GRIK2: variants seen among roughly 807,000 people sequenced by gnomAD.
The protein encoded by GRIK2 is glutamate ionotropic receptor kainate type subunit 2, also known as glutamate receptor ionotropic, kainate 2.
A neutral mutation model predicts 100.3 loss-of-function variants in GRIK2; 32 were observed. The ratio of observed to expected loss-of-function variants is 0.32; its 90% CI spans 0.24 to 0.43. The LOEUF (loss-of-function observed/expected upper bound fraction) is 0.43. GRIK2 is among the 20% of genes least tolerant of loss of function. The pLI, the probability that GRIK2 is intolerant of heterozygous loss-of-function variation, is 1.00. For synonymous variants in GRIK2, 417 were observed against 389.4 expected, an observed-to-expected ratio of 1.07 and a Z score of -0.83; for missense variants, 843 against 1,114.9, an observed-to-expected ratio of 0.76 and a Z score of 3.47.
chr6:101,559,559 G>A lies in GRIK2; in HGVS notation c.116-62390G>A, dbSNP rs186295002. ...TTTATTTAACTGTAAGTATCTAAAA[G>A]ACAGGGACTTCACTATATTTACAAT... On this transcript the variant is annotated intron_variant, in intron 2 of 16. Coordinates refer to ENST00000369134, the MANE Select transcript of GRIK2 (RefSeq NM_021956.5). Among the ~76,000 whole-genome samples the A allele has an allele frequency of 3.9e-5, 6 of 152,224 alleles. No individual in the cohort carries two copies. In the East Asian group the frequency reaches 1.2e-3, roughly 29 times the overall value.
intron 7 of GRIK2, among the ~76,000 whole-genome samples, chr6:101,780,539 G>A (rs1282693944): frequency 6.6e-6 from 1 of 152,128 alleles, no homozygotes; most frequent in Non-Finnish European, 1.5e-5. Context: ...GCACAGTTCT[G>A]TGGCACAGAG....
At chr6:101,447,160 T>C (rs1207434497) in intron 2 of GRIK2, among the ~76,000 whole-genome samples, 1 of 151,380 alleles carries the variant, frequency 6.6e-6, no homozygotes, top group Non-Finnish European at 1.5e-5. Flanking sequence ...AGCATTAATA[T>C]CTCATTGCAG....
At chr6:101,537,610 T>C (rs1775778756) in intron 2 of GRIK2, among the ~76,000 whole-genome samples, 4 of 151,728 alleles carry the variant, frequency 2.6e-5, no homozygotes, top group Admixed American at 1.3e-4. Flanking sequence ...GTAATATTAT[T>C]GGCAAGATGA....
intron 7 of GRIK2, among the ~76,000 whole-genome samples, chr6:101,785,091 A>T (rs1361196013): frequency 6.6e-6 from 1 of 151,930 alleles, no homozygotes; most frequent in Non-Finnish European, 1.5e-5. Flanking sequence ...GTCTGTTTTT[A>T]TGTCTTTTTA....
intron 9 of GRIK2, among the ~76,000 whole-genome samples, chr6:101,814,045 G>A (rs921809084): frequency 1.3e-5 from 2 of 151,938 alleles, no homozygotes; most frequent in African/African-American, 4.8e-5. Flanking sequence ...AATTTTCGTA[G>A]AGTAGATATT....
intron 4 of GRIK2, among the ~76,000 whole-genome samples, chr6:101,645,273 G>A (rs1034740744): frequency 4.6e-5 from 7 of 151,532 alleles, no homozygotes; most frequent in Non-Finnish European, 1.0e-4. Context: ...AATTCATCAT[G>A]TCAATTATTT....
intron 2 of GRIK2, among the ~76,000 whole-genome samples, chr6:101,540,346 G>T (rs887550916): frequency 6.6e-6 from 1 of 151,688 alleles, no homozygotes; most frequent in African/African-American, 2.4e-5. Context: ...GCACAATAGG[G>T]TGCCCATAGT....
chr6:101,897,503 C>CT (rs1021985895), intron 12 of GRIK2, among the ~76,000 whole-genome samples: 10 of 151,810 alleles, frequency 6.6e-5, no homozygotes, highest in Admixed American at 6.6e-4. Flanking sequence ...AAATGGTGCC[C>CT]TTGGTCTTTT....
intron 2 of GRIK2, among the ~76,000 whole-genome samples, chr6:101,552,722 A>C (rs1479167608): frequency 6.6e-6 from 1 of 152,182 alleles, no homozygotes; most frequent in Non-Finnish European, 1.5e-5. Context: ...CTATCTGTGC[A>C]CCTGAGAATT....
At chr6:101,558,660 C>T (rs1776854797) in intron 2 of GRIK2, among the ~76,000 whole-genome samples, 1 of 104,436 alleles carries the variant, frequency 9.6e-6, no homozygotes, top group African/African-American at 4.0e-5. Flanking sequence ...TTGTTCCTCC[C>T]CTTTGCTTCT....
chr6:101,719,397 A>G (rs1325775114), intron 7 of GRIK2, among the ~76,000 whole-genome samples: 1 of 151,906 alleles, frequency 6.6e-6, no homozygotes, highest in Non-Finnish European at 1.5e-5. Flanking sequence ...TACATGACTT[A>G]GTGGTAATAT....
intron 2 of GRIK2, among the ~76,000 whole-genome samples, chr6:101,603,755 A>G (rs1779326372): frequency 6.6e-6 from 1 of 151,728 alleles, no homozygotes; most frequent in Admixed American, 6.6e-5. Flanking sequence ...TATAGGTTAA[A>G]TGATATTAGA....
intron 2 of GRIK2, among the ~76,000 whole-genome samples, chr6:101,611,534 G>A (rs1349379066): frequency 1.3e-5 from 2 of 151,812 alleles, no homozygotes; most frequent in South Asian, 4.1e-4. Flanking sequence ...GTGCTAATGT[G>A]TATGCTTTGA....
chr6:101,610,158 G>C (rs748358654), intron 2 of GRIK2, among the ~76,000 whole-genome samples: 1 of 151,232 alleles, frequency 6.6e-6, no homozygotes, highest in Non-Finnish European at 1.5e-5. Context: ...TTCCACCTAA[G>C]AGCATTAAAA....
At chr6:101,833,424 TG>T (rs1329156745) in intron 10 of GRIK2, among the ~76,000 whole-genome samples, 1 of 151,980 alleles carries the variant, frequency 6.6e-6, no homozygotes, top group African/African-American at 2.4e-5. Context: ...TAGTAGAAAC[TG>T]GGTTTCACCA....
intron 7 of GRIK2, among the ~76,000 whole-genome samples, chr6:101,743,766 TAAAG>T (rs1413331945): frequency 7.9e-5 from 12 of 152,178 alleles, no homozygotes; most frequent in Non-Finnish European, 1.6e-4. Context: ...TTCAGATACT[TAAAG>T]CAAGTGTTAG....
intron 15 of GRIK2, among the ~76,000 whole-genome samples, chr6:102,052,386 T>C (rs1217825136): frequency 6.6e-6 from 1 of 152,170 alleles, no homozygotes; most frequent in African/African-American, 2.4e-5. Context: ...AAATCAAATA[T>C]CATTTAAACA....
At chr6:101,709,841 A>C (rs573496312) in intron 7 of GRIK2, among the ~76,000 whole-genome samples, 2 of 151,872 alleles carry the variant, frequency 1.3e-5, no homozygotes, top group East Asian at 3.9e-4. Context: ...GGTTTGGCAT[A>C]GACCTAGGAT....
At chr6:101,686,154 A>G (rs1771682327) in intron 6 of GRIK2, 26 bp from the exon 7 acceptor site, 2 of 1,593,708 alleles carry the variant, frequency 1.3e-6, no homozygotes, top group East Asian at 4.5e-5. Context: ...GTCCATAATA[A>G]CAACACAATA....
Sources: allele counts gnomAD v4.1 joint callset (sites outside exome capture counted in the v4.1 genomes callset), GRCh38; gene constraint gnomAD v4.1.1; transcripts MANE v1.5; gene names NCBI Gene and HGNC (gene_info 2026-07-23, HGNC 2026-07-21).